The following FTO variants were observed in gnomAD, a reference collection of about 807,000 sequenced individuals.
FTO encodes the protein alpha-ketoglutarate-dependent dioxygenase FTO.
A neutral mutation model predicts 63.9 loss-of-function variants in FTO; 47 were observed. That is an observed-to-expected ratio of 0.74 (90% confidence interval 0.58 to 0.94). FTO has a LOEUF of 0.94. Among genes scored for constraint, FTO ranks in the 40% least tolerant of loss-of-function variants. The pLI is 0.00. For missense variants in FTO, 562 were observed against 618.1 expected, an observed-to-expected ratio of 0.91 and a Z score of 0.96; for synonymous variants, 207 against 224.4, an observed-to-expected ratio of 0.92 and a Z score of 0.69.
At chr16:54,089,600 G>C (rs11863548) in intron 8 of FTO, among the ~76,000 whole-genome samples, 2 of 152,036 alleles carry the variant, frequency 1.3e-5, no homozygotes, top group Admixed American at 1.3e-4. Flanking sequence ...AAAAAATAGC[G>C]TATAGAATGG....
In FTO at chr16:53,844,254, G is replaced by A; in HGVS notation, c.851G>A (p.Gly284Asp). 1 of 1,613,616 alleles carries A rather than the reference G, an allele frequency of 6.2e-7. No homozygotes were observed. Among genetic ancestry groups the A allele is most frequent in the Non-Finnish European group, 8.5e-7 (1 of 1,179,660 alleles). The change falls in exon 4 of 9, where the codon GGT (glycine) becomes GAT (aspartate). Residue 284 changes from glycine (G) to aspartate (D), a missense_variant. Transcript: ENST00000471389. ...ATCTCATGGGACATAGAGACACCTG[G>A]TTTGGCGATACCCCTTCACCAAGGA... is the stretch of plus-strand genomic sequence containing the variant. ...FKISWDIETP[G>D]LAIPLHQGDC...
At position 53,825,974 on chromosome 16, in the gene FTO, A is replaced by T; in HGVS notation, c.234A>T (p.Leu78Phe). 2 of 1,614,170 alleles carry T rather than the reference A, an allele frequency of 1.2e-6. No individual in the cohort carries two copies. The highest frequency in any genetic ancestry group is 1.7e-6 in the Non-Finnish European group (2 of 1,180,032). The part of the protein sequence containing the change: ...AFLTLHKHGC[L>F]FRDLVRIQGK... Reference sequence around the variant, plus strand: ...TCACACTGCACAAGCATGGCTGCTTATTTCGGGACCTGGTTAGGATCCAAG... The same window carrying T: ...TCACACTGCACAAGCATGGCTGCTTTTTTCGGGACCTGGTTAGGATCCAAG... Residue 78 changes from leucine to phenylalanine, a missense_variant, in exon 3 of 9, where the codon TTA (leucine) becomes TTT (phenylalanine). By Grantham distance (22) the Leu-to-Phe change is conservative. Coordinates refer to ENST00000471389, the MANE Select transcript of FTO (RefSeq NM_001080432.3).
intron 8 of FTO, among the ~76,000 whole-genome samples, chr16:54,095,642 G>C (rs1310809181): frequency 6.6e-6 from 1 of 152,156 alleles, no homozygotes; most frequent in African/African-American, 2.4e-5. Flanking sequence ...ACACTTCCCA[G>C]TGACTAAGTT....
chr16:53,817,071 T>C (rs2078713220), intron 2 of FTO, among the ~76,000 whole-genome samples: 1 of 152,248 alleles, frequency 6.6e-6, no homozygotes. Flanking sequence ...AATTATGAGA[T>C]GCTGTCAAAT....
At chr16:53,774,354 T>G (rs1245142837) in intron 1 of FTO, among the ~76,000 whole-genome samples, 1 of 152,170 alleles carries the variant, frequency 6.6e-6, no homozygotes, top group Non-Finnish European at 1.5e-5. Context: ...ATATAAGATG[T>G]TGCTATAATT....
In FTO at chr16:54,111,991, G is replaced by A. The variant is rs758088900; in HGVS notation, c.*76G>A. On this transcript the variant is annotated 3_prime_UTR_variant, in exon 9 of 9. Coordinates refer to ENST00000471389, the MANE Select transcript of FTO (RefSeq NM_001080432.3). ...CCAACGTTGTCATGGGCTTAAGCAAGAGCAGTGGAGACTTCTCTTGGCCCC... is the reference window on the plus strand; with the variant it reads ...CCAACGTTGTCATGGGCTTAAGCAAAAGCAGTGGAGACTTCTCTTGGCCCC... 1.3e-6 allele frequency: 2 copies of A among 1,531,466 alleles called. No homozygotes were observed. The highest frequency in any genetic ancestry group is 1.8e-6 in the Non-Finnish European group (2 of 1,107,468). The allele number at this position is 1,531,466 out of a possible 1,614,324, so 94.9% of individuals were successfully genotyped here. A position where few individuals can be genotyped will look rare whatever the true frequency, so the allele number is the denominator to read the frequency against.
intron 1 of FTO, among the ~76,000 whole-genome samples, chr16:53,791,257 A>G (rs904496082): frequency 1.3e-5 from 2 of 152,222 alleles, no homozygotes; most frequent in Non-Finnish European, 2.9e-5. Flanking sequence ...GGGGAAAGAA[A>G]GGATGCAGAT....
In FTO at chr16:53,911,396, T is replaced by C. The variant is rs866111415; in HGVS notation, c.1239+22445T>C. On this transcript the variant is annotated intron_variant, in intron 7 of 8. Coordinates refer to ENST00000471389, the MANE Select transcript of FTO (RefSeq NM_001080432.3). Reference sequence around the variant, plus strand: ...GGTGGTAGAATGGAGTGGAGGAAAGTCAGCGAATGTAATAGTGTCGAACCC... The same window carrying C: ...GGTGGTAGAATGGAGTGGAGGAAAGCCAGCGAATGTAATAGTGTCGAACCC... The C allele has an allele frequency of 2.0e-5, 14 of 703,030 alleles. No homozygotes were observed. The African/African-American group carries it at 2.3e-4, about 11-fold the overall frequency. 43.5% of individuals were successfully genotyped at this position (703,030 alleles called of 1,614,324 possible).
intron 8 of FTO, among the ~76,000 whole-genome samples, chr16:54,083,854 CA>C (rs1461389914): frequency 6.6e-6 from 1 of 152,154 alleles, no homozygotes; most frequent in Non-Finnish European, 1.5e-5. Context: ...AGCAAGGCAA[CA>C]TTGGGTGGTA....
intron 8 of FTO, among the ~76,000 whole-genome samples, chr16:53,955,027 A>G (rs530310670): frequency 6.6e-6 from 1 of 152,264 alleles, no homozygotes; most frequent in South Asian, 2.1e-4. Context: ...TAATTAGACC[A>G]GTAAGAAAGT....
chr16:53,958,854 A>G (rs2082997659), intron 8 of FTO, among the ~76,000 whole-genome samples: 1 of 152,200 alleles, frequency 6.6e-6, no homozygotes, highest in African/African-American at 2.4e-5. Context: ...GTGCCTGCTT[A>G]AAGCAAAGCC....
chr16:53,838,880 T>G (rs1378464048), intron 3 of FTO, among the ~76,000 whole-genome samples: 1 of 152,042 alleles, frequency 6.6e-6, no homozygotes, highest in East Asian at 1.9e-4. Flanking sequence ...ATGGTGATGA[T>G]GAATATGTAC....
intron 4 of FTO, among the ~76,000 whole-genome samples, chr16:53,853,945 A>G (rs563282497): frequency 1.3e-5 from 2 of 152,298 alleles, no homozygotes; most frequent in African/African-American, 4.8e-5. Context: ...CCCCCAGTGT[A>G]TAAGCACTCC....
chr16:54,088,107 TG>T (rs749321770), intron 8 of FTO, among the ~76,000 whole-genome samples: 4 of 152,222 alleles, frequency 2.6e-5, no homozygotes, highest in African/African-American at 4.8e-5. Flanking sequence ...TTTTGACCAC[TG>T]CTTCCAAACA....
intron 3 of FTO, among the ~76,000 whole-genome samples, chr16:53,833,297 C>T (rs956381406): frequency 1.3e-5 from 2 of 152,172 alleles, no homozygotes; most frequent in African/African-American, 2.4e-5. Flanking sequence ...TTATGAGCAG[C>T]ATGAAAACAA....
rs1179310841 is a variant in FTO, at chr16:54,046,154, A to G, written c.1365-65608A>G. On this transcript the variant is annotated intron_variant, in intron 8 of 8. Coordinates refer to ENST00000471389, the MANE Select transcript of FTO (RefSeq NM_001080432.3). ...GAAATAAAGGGTATTCAGTTAGGAA[A>G]AGAGGAAGTCAAATTGTCCGTGTTT... 8.2e-5 allele frequency among the ~76,000 whole-genome samples: 8 copies of G among 97,364 alleles called. 1 individual carries two copies. The highest frequency in any genetic ancestry group is 1.4e-4 in the Non-Finnish European group (8 of 57,304). The allele number at this position is 97,364 out of a possible 152,430, so 63.9% of individuals were successfully genotyped here. A position where few individuals can be genotyped will look rare whatever the true frequency, so the allele number is the denominator to read the frequency against.
chr16:54,034,393 T>G (rs1470129909), intron 8 of FTO, among the ~76,000 whole-genome samples: 4 of 152,186 alleles, frequency 2.6e-5, no homozygotes, highest in Non-Finnish European at 5.9e-5. Flanking sequence ...TGGAATATTT[T>G]TGCAAGAAAA....
chr16:53,840,597 A>C (rs1232947861), intron 3 of FTO, among the ~76,000 whole-genome samples: 2 of 152,214 alleles, frequency 1.3e-5, no homozygotes, highest in African/African-American at 4.8e-5. Context: ...GTCTGTGTGA[A>C]AGCAGCCATT....
chr16:53,733,422 AAAG>A (rs1236156409), intron 1 of FTO, among the ~76,000 whole-genome samples: 1 of 152,210 alleles, frequency 6.6e-6, no homozygotes, highest in South Asian at 2.1e-4. Context: ...AAAAAATAAA[AAAG>A]AAGAAGAAGA....
Sources: allele counts gnomAD v4.1 joint callset (sites outside exome capture counted in the v4.1 genomes callset), GRCh38; gene constraint gnomAD v4.1.1; transcripts MANE v1.5; gene names NCBI Gene and HGNC (gene_info 2026-07-23, HGNC 2026-07-21).